PARP15: variants seen among roughly 807,000 people sequenced by gnomAD.
PARP15 encodes poly(ADP-ribose) polymerase family member 15.
In PARP15, 50 loss-of-function variants were observed where a neutral mutation model predicts 62.1. The observed-to-expected ratio is 0.81, with a 90% confidence interval of 0.64 to 1.02. The LOEUF is 1.02. PARP15 is among the 50% of genes least tolerant of loss of function. The pLI, the probability that PARP15 is intolerant of heterozygous loss-of-function variation, is 0.00. For synonymous variants in PARP15, 309 were observed against 293.1 expected (o/e 1.05, Z -0.55); for missense variants, 820 against 826.5 (o/e 0.99, Z 0.10).
chr3:122,580,994 TC>T (rs1047111661), intron 1 of PARP15, among the ~76,000 whole-genome samples: 1 of 152,226 alleles, frequency 6.6e-6, no homozygotes, highest in African/African-American at 2.4e-5. Context: ...CCTGTAGTAT[TC>T]AGTATGTTAA....
chr3:122,635,434 G>A (rs1025697044), intron 11 of PARP15, among the ~76,000 whole-genome samples: 7 of 150,378 alleles, frequency 4.7e-5, no homozygotes, highest in African/African-American at 1.5e-4. Flanking sequence ...TTTTTTAGAC[G>A]GTCTCATTCT....
At chr3:122,623,785 T>C (rs1936502358) in intron 8 of PARP15, among the ~76,000 whole-genome samples, 1 of 152,222 alleles carries the variant, frequency 6.6e-6, no homozygotes, top group Admixed American at 6.5e-5. Context: ...ACAGGTGATT[T>C]TGATGATGCC....
In PARP15 at chr3:122,626,982, A is replaced by G. The variant is rs1936775835; in HGVS notation, c.1387A>G (p.Arg463Gly). The G allele has an allele frequency of 6.2e-7, 1 of 1,614,068 alleles. No homozygotes were observed. The highest frequency in any genetic ancestry group is 1.1e-5 in the South Asian group (1 of 91,042). ...LNIFYDSMKK[R>G]DLSASLNFQS... ...TATATTCTACGACAGCATGAAAAAA[A>G]GAGACCTCTCTGCATCACTGAACTT... The change falls in exon 9 of 12, where the codon AGA becomes GGA. Residue 463 changes from arginine to glycine, a missense_variant. Physicochemically the swap from Arg to Gly is moderately radical, Grantham distance 125. Coordinates refer to ENST00000464300, the MANE Select transcript of PARP15 (RefSeq NM_001113523.3).
chr3:122,609,194 G>C (rs1423513192), intron 2 of PARP15, among the ~76,000 whole-genome samples: 3 of 152,064 alleles, frequency 2.0e-5, no homozygotes, highest in African/African-American at 7.2e-5. Context: ...TTCTTGGATG[G>C]CTTGCTCACT....
At chr3:122,613,916 G>A (rs1935760836) in intron 4 of PARP15, among the ~76,000 whole-genome samples, 1 of 147,204 alleles carries the variant, frequency 6.8e-6, no homozygotes, top group African/African-American at 2.5e-5. Flanking sequence ...CGTGATCTCA[G>A]CTCAATGCAG....
chr3:122,580,022 T>TATATATATAC (rs2080770221), intron 1 of PARP15, among the ~76,000 whole-genome samples: 1 of 132,132 alleles, frequency 7.6e-6, no homozygotes, highest in Non-Finnish European at 1.7e-5. Context: ...TATATATATA[T>TATATATATAC]ATATATATAT....
At chr3:122,591,914 G>A (rs1933956837) in intron 1 of PARP15, among the ~76,000 whole-genome samples, 1 of 152,134 alleles carries the variant, frequency 6.6e-6, no homozygotes, top group Non-Finnish European at 1.5e-5. Flanking sequence ...CAATCAGAAT[G>A]GTGATTATTA....
chr3:122,599,287 C>T (rs561241582), intron 1 of PARP15, among the ~76,000 whole-genome samples: 2 of 152,186 alleles, frequency 1.3e-5, no homozygotes, highest in East Asian at 3.9e-4. Context: ...AGGAAGATCA[C>T]TTGAGCCCAG....
At chr3:122,631,896 T>C (rs1325261656) in intron 9 of PARP15, among the ~76,000 whole-genome samples, 190 bp from the exon 10 acceptor site, 1 of 152,238 alleles carries the variant, frequency 6.6e-6, no homozygotes, top group Non-Finnish European at 1.5e-5. Context: ...TTGTGTCATA[T>C]TTGTGTCAGA....
intron 2 of PARP15, 55 bp from the exon 3 acceptor site, chr3:122,610,439 G>T: frequency 7.1e-7 from 1 of 1,417,256 alleles, no homozygotes; most frequent in Non-Finnish European, 9.6e-7. Flanking sequence ...ATTTACAGTT[G>T]CTCCATCATT....
intron 1 of PARP15, among the ~76,000 whole-genome samples, chr3:122,586,228 A>AT: frequency 6.6e-6 from 1 of 151,416 alleles, no homozygotes; most frequent in East Asian, 1.9e-4. Context: ...TGTTAAACGT[A>AT]TTTTTTTTTT....
intron 2 of PARP15, among the ~76,000 whole-genome samples, 154 bp downstream of exon 2, chr3:122,606,209 TG>T (rs1414049414): frequency 1.3e-5 from 2 of 152,212 alleles, no homozygotes; most frequent in Non-Finnish European, 2.9e-5. Flanking sequence ...TTAAAGTTTA[TG>T]CAGATATATA....
intron 11 of PARP15, 30 bp downstream of exon 11, chr3:122,635,224 A>G (rs371815162): frequency 6.2e-7 from 1 of 1,601,784 alleles, no homozygotes; most frequent in Non-Finnish European, 8.5e-7. Context: ...GGCTGATCAG[A>G]ATAAGGCAAA....
chr3:122,605,734 C>T (rs116551426), intron 1 of PARP15, among the ~76,000 whole-genome samples: 2,409 of 152,000 alleles, frequency 0.016, 67 homozygotes, highest in African/African-American at 0.053. Context: ...CCACTGAGCC[C>T]GGCTAATTTT....
chr3:122,578,140 T>C (rs1235462663), intron 1 of PARP15, among the ~76,000 whole-genome samples: 1 of 152,018 alleles, frequency 6.6e-6, no homozygotes, highest in Admixed American at 6.6e-5. Flanking sequence ...GTTATGAATA[T>C]GTCCTCCCAA....
intron 3 of PARP15, among the ~76,000 whole-genome samples, chr3:122,612,499 C>A (rs767515925): frequency 2.0e-5 from 3 of 151,842 alleles, no homozygotes; most frequent in Non-Finnish European, 4.4e-5. Context: ...TACAGTGGCG[C>A]AATCTTGGCT....
intron 1 of PARP15, chr3:122,594,594 T>G (rs556487076): frequency 8.3e-4 from 799 of 961,564 alleles, no homozygotes; most frequent in Admixed American, 1.2e-3. Context: ...TAGGGGAGGT[T>G]GAAATTGACG....
intron 8 of PARP15, among the ~76,000 whole-genome samples, chr3:122,625,520 C>T (rs1427211559): frequency 3.3e-5 from 5 of 152,164 alleles, no homozygotes; most frequent in African/African-American, 1.2e-4. Context: ...TCCCAAAGTG[C>T]TGGGATTACA....
At chr3:122,579,993 CTATATG>C (rs147893283) in intron 1 of PARP15, among the ~76,000 whole-genome samples, 16,091 of 70,810 alleles carry the variant, frequency 0.23, 1,471 homozygotes, top group East Asian at 0.39. Flanking sequence ...ACAACAGCAA[CTATATG>C]TATATATATA....
Sources: gnomAD v4.1 joint callset for allele counts (sites outside exome capture counted in the v4.1 genomes callset) on GRCh38, gnomAD v4.1.1 for gene constraint, MANE v1.5 for transcripts, NCBI Gene and HGNC (gene_info 2026-07-23, HGNC 2026-07-21) for gene names.